The following PCDH15 variants were observed in gnomAD, a reference collection of about 807,000 sequenced individuals.
PCDH15 encodes protocadherin-15.
PCDH15 carries 129 observed loss-of-function variants against 178.5 expected under a neutral mutation model. The ratio of observed to expected loss-of-function variants is 0.72; its 90% CI spans 0.63 to 0.84. PCDH15 has a LOEUF of 0.84. Ranked by LOEUF, PCDH15 falls within the 40% of genes least tolerant of loss-of-function variation. The pLI is 0.00. For missense variants in PCDH15, 2,230 were observed against 2,099.9 expected, an observed-to-expected ratio of 1.06 and a Z score of -1.21; for synonymous variants, 800 against 732.0, an observed-to-expected ratio of 1.09 and a Z score of -1.50.
intron 3 of PCDH15, among the ~76,000 whole-genome samples, chr10:54,450,748 A>T (rs2076434139): frequency 6.6e-6 from 1 of 151,864 alleles, no homozygotes; most frequent in African/African-American, 2.4e-5. Flanking sequence ...TACTTCTGTC[A>T]TCTCCACATT....
At chr10:54,719,707 G>A (rs1198799805) in intron 1 of PCDH15, among the ~76,000 whole-genome samples, 2 of 151,846 alleles carry the variant, frequency 1.3e-5, no homozygotes, top group Non-Finnish European at 2.9e-5. Flanking sequence ...GCCCCGGTGT[G>A]TTTTTTTCCC....
intron 11 of PCDH15, chr10:54,189,529 C>T: frequency 2.2e-6 from 1 of 461,044 alleles, no homozygotes; most frequent in Admixed American, 4.1e-5. Flanking sequence ...TTGTGACCCA[C>T]ATATAATGGA....
At chr10:54,394,169 A>G (rs1950900881) in intron 3 of PCDH15, among the ~76,000 whole-genome samples, 1 of 152,228 alleles carries the variant, frequency 6.6e-6, no homozygotes, top group African/African-American at 2.4e-5. Flanking sequence ...TGATGATGAG[A>G]TAGATATTTT....
chr10:54,888,399 A>G (rs1017248240), intron 3 of PCDH15, among the ~76,000 whole-genome samples: 2 of 152,046 alleles, frequency 1.3e-5, no homozygotes, highest in African/African-American at 2.4e-5. Flanking sequence ...GAATATTCCA[A>G]TGCACTGATG....
chr10:54,248,341 T>C (rs962715046), intron 8 of PCDH15, among the ~76,000 whole-genome samples: 4 of 152,072 alleles, frequency 2.6e-5, no homozygotes, highest in African/African-American at 9.6e-5. Flanking sequence ...AGTTGAATAT[T>C]CACTTAAAAT....
At chr10:53,809,833 G>GAAT (rs1431391332) in intron 37 of PCDH15, among the ~76,000 whole-genome samples, 3 of 152,064 alleles carry the variant, frequency 2.0e-5, no homozygotes, top group Non-Finnish European at 2.9e-5. Flanking sequence ...AAAAAAGAAA[G>GAAT]AATTATTGTC....
intron 8 of PCDH15, among the ~76,000 whole-genome samples, chr10:54,262,628 A>G (rs772558969): frequency 6.6e-6 from 1 of 152,170 alleles, no homozygotes; most frequent in Non-Finnish European, 1.5e-5. Flanking sequence ...ACGCAGGGAC[A>G]TTGAGCTGAG....
intron 2 of PCDH15, among the ~76,000 whole-genome samples, chr10:54,617,040 ATTTTTAT>A (rs2093182721): frequency 6.7e-6 from 1 of 148,230 alleles, no homozygotes; most frequent in African/African-American, 2.4e-5. Context: ...TGACGTTTTT[ATTTTTAT>A]TTTTTAATTT....
chr10:54,065,174 C>G (rs2094113786), intron 18 of PCDH15, among the ~76,000 whole-genome samples: 1 of 152,174 alleles, frequency 6.6e-6, no homozygotes, highest in African/African-American at 2.4e-5. Context: ...AACATTGCAG[C>G]TAATTACTCT....
intron 18 of PCDH15, among the ~76,000 whole-genome samples, chr10:54,029,031 A>T (rs1202695696): frequency 6.6e-6 from 1 of 152,222 alleles, no homozygotes; most frequent in African/African-American, 2.4e-5. Flanking sequence ...CAAAGGGAAC[A>T]GAATATAAAA....
intron 1 of PCDH15, among the ~76,000 whole-genome samples, chr10:55,271,903 A>G (rs979934613): frequency 2.6e-5 from 4 of 152,158 alleles, no homozygotes; most frequent in African/African-American, 9.7e-5. Flanking sequence ...ATCTCTTATA[A>G]AATGTTTTCT....
chr10:54,353,755 G>C (rs953984841), intron 5 of PCDH15, among the ~76,000 whole-genome samples: 3 of 151,772 alleles, frequency 2.0e-5, no homozygotes, highest in African/African-American at 7.3e-5. Context: ...TAAAAATCTT[G>C]ATTTCATTAA....
At chr10:55,136,187 AAG>A (rs2132083022) in intron 2 of PCDH15, among the ~76,000 whole-genome samples, 1 of 152,260 alleles carries the variant, frequency 6.6e-6, no homozygotes, top group South Asian at 2.1e-4. Flanking sequence ...TAGTATGGTA[AAG>A]ATTCACCATG....
intron 1 of PCDH15, among the ~76,000 whole-genome samples, chr10:54,718,262 A>T (rs2095505027): frequency 6.7e-6 from 1 of 148,480 alleles, no homozygotes; most frequent in African/African-American, 2.5e-5. Flanking sequence ...GAAGTATAAT[A>T]ATAATAATAA....
intron 2 of PCDH15, among the ~76,000 whole-genome samples, chr10:55,127,000 G>A (rs1372483691): frequency 6.6e-6 from 1 of 151,522 alleles, no homozygotes; most frequent in Non-Finnish European, 1.5e-5. Flanking sequence ...TCCTTCAGGT[G>A]TCCCCCCACC....
At chr10:54,530,775 T>C (rs1472948135) in intron 2 of PCDH15, among the ~76,000 whole-genome samples, 1 of 152,174 alleles carries the variant, frequency 6.6e-6, no homozygotes. Flanking sequence ...CATATACTTC[T>C]GGATAAATAC....
chr10:54,216,010 T>C (rs1214137339), intron 9 of PCDH15, among the ~76,000 whole-genome samples: 4 of 111,782 alleles, frequency 3.6e-5, no homozygotes, highest in African/African-American at 1.4e-4. Context: ...ACCACTGCAC[T>C]ACAGCCTGGG....
At chr10:54,891,379 G>A (rs541651832) in intron 3 of PCDH15, among the ~76,000 whole-genome samples, 9 of 152,208 alleles carry the variant, frequency 5.9e-5, no homozygotes, top group East Asian at 1.9e-4. Flanking sequence ...CTACTTTAGC[G>A]CAAAAGCAAC....
chr10:53,806,230 G>A lies in PCDH15; in HGVS notation c.*349C>T, dbSNP rs1841145552. 1 of 186,006 alleles carries A rather than the reference G, an allele frequency of 5.4e-6. No individual in the cohort carries two copies. Among genetic ancestry groups the A allele is most frequent in the African/African-American group, 2.4e-5 (1 of 41,946 alleles). 11.5% of individuals were successfully genotyped at this position (186,006 alleles called of 1,614,324 possible). A position where few individuals can be genotyped will look rare whatever the true frequency, so the allele number is the denominator to read the frequency against. The stretch of plus-strand genomic sequence containing the variant: ...ACATGTACTAAAAATGTTTTGTGGA[G>A]CTAGAAATAAAGCATAATCTATGTT... On this transcript the variant is annotated 3_prime_UTR_variant, in exon 38 of 38. Transcript: ENST00000644397.
Sources: allele counts gnomAD v4.1 joint callset (sites outside exome capture counted in the v4.1 genomes callset), GRCh38; gene constraint gnomAD v4.1.1; transcripts MANE v1.5; gene names NCBI Gene and HGNC (gene_info 2026-07-23, HGNC 2026-07-21).